PCBD2: variants seen among roughly 807,000 people sequenced by gnomAD.
The protein encoded by PCBD2 is pterin-4 alpha-carbinolamine dehydratase 2.
A neutral mutation model predicts 16.4 loss-of-function variants in PCBD2; 12 were observed. That is an observed-to-expected ratio of 0.73 (90% CI 0.47 to 1.19). PCBD2 has a LOEUF of 1.19. Among genes scored for constraint, PCBD2 ranks in the 50% most tolerant of loss-of-function variants. The probability of loss-of-function intolerance (pLI) is 0.00; values close to 1 mark genes in which losing one functional copy is unlikely to be tolerated. For synonymous variants in PCBD2, 58 were observed against 61.8 expected (o/e 0.94, Z 0.29); for missense variants, 138 against 156.8 (o/e 0.88, Z 0.64).
chr5:134,940,851 C>T (rs528033519), intron 2 of PCBD2, among the ~76,000 whole-genome samples: 1 of 151,906 alleles, frequency 6.6e-6, no homozygotes, highest in South Asian at 2.1e-4. Context: ...GGTTCCTGGC[C>T]GGGCATGGTG....
At chr5:134,946,614 C>T (rs1751298413) in intron 2 of PCBD2, among the ~76,000 whole-genome samples, 1 of 152,174 alleles carries the variant, frequency 6.6e-6, no homozygotes, top group African/African-American at 2.4e-5. Context: ...TGGTGTGCAA[C>T]TGCTTTAGAA....
At chr5:134,951,895 C>T (rs1022585491) in intron 2 of PCBD2, among the ~76,000 whole-genome samples, 1 of 151,878 alleles carries the variant, frequency 6.6e-6, no homozygotes, top group African/African-American at 2.4e-5. Flanking sequence ...TGTTGTTTAT[C>T]TTTTGCTTTT....
intron 2 of PCBD2, among the ~76,000 whole-genome samples, chr5:134,953,059 G>T (rs1196561504): frequency 6.6e-6 from 1 of 150,938 alleles, no homozygotes; most frequent in African/African-American, 2.4e-5. Flanking sequence ...TTGCTTATGT[G>T]CTTTTATTTT....
intron 2 of PCBD2, among the ~76,000 whole-genome samples, chr5:134,933,033 A>G (rs1204079826): frequency 6.6e-6 from 1 of 152,102 alleles, no homozygotes; most frequent in Non-Finnish European, 1.5e-5. Context: ...TATGTTTTAT[A>G]ATTTGGAAAA....
At chr5:134,952,176 A>G (rs891439627) in intron 2 of PCBD2, among the ~76,000 whole-genome samples, 3 of 73,692 alleles carry the variant, frequency 4.1e-5, no homozygotes, top group Admixed American at 1.3e-4. Flanking sequence ...TTTTTGTCTT[A>G]TTCTTGACTT....
At position 134,935,282 on chromosome 5, in the gene PCBD2, C is replaced by T. The variant is rs550462431; in HGVS notation, c.217-23758C>T. ...TGACTCTGCTGCCCGTGCCTGACTG[C>T]GCCACTGCATCTGCCTAAACAGGAG... On this transcript the variant is annotated intron_variant, in intron 2 of 3. Coordinates refer to ENST00000254908, the MANE Select transcript of PCBD2 (RefSeq NM_032151.5). 4.6e-5 allele frequency among the ~76,000 whole-genome samples: 7 copies of T among 152,328 alleles called. No homozygotes were observed. In the South Asian group the frequency reaches 8.3e-4, roughly 18 times the overall value.
At chr5:134,950,932 A>C (rs930835009) in intron 2 of PCBD2, among the ~76,000 whole-genome samples, 2 of 152,222 alleles carry the variant, frequency 1.3e-5, no homozygotes, top group Non-Finnish European at 2.9e-5. Context: ...ACAGGTAGGC[A>C]TATGTTAAGA....
chr5:134,915,428 G>A (rs1349221553), intron 2 of PCBD2, among the ~76,000 whole-genome samples: 1 of 151,204 alleles, frequency 6.6e-6, no homozygotes, highest in Non-Finnish European at 1.5e-5. Context: ...AAGCCTGATG[G>A]GCCTCTAATT....
At chr5:134,924,247 T>A (rs1361342979) in intron 2 of PCBD2, 2 of 395,294 alleles carry the variant, frequency 5.1e-6, no homozygotes, top group Non-Finnish European at 4.5e-6. Flanking sequence ...GGGTGTGTTA[T>A]TATTCTGAAT....
In PCBD2 at chr5:134,910,407, T is replaced by A; in HGVS notation, c.157T>A (p.Ser53Thr). The A allele has an allele frequency of 1.2e-6, 2 of 1,614,082 alleles. No individual in the cohort carries two copies. Among genetic ancestry groups the A allele is most frequent in the South Asian group, 2.2e-5 (2 of 91,076 alleles). ...AILDLKAAGW[S>T]ELSERDAIYK... The stretch of plus-strand genomic sequence containing the variant: ...ACTTGACCTTAAAGCAGCAGGATGG[T>A]CGGAATTAAGTGAGAGAGATGCCAT... Residue 53 changes from serine to threonine, a missense_variant, in exon 2 of 4, where the codon TCG becomes ACG. Physicochemically the swap from Ser to Thr is moderately conservative, Grantham distance 58. Coordinates refer to ENST00000254908, the MANE Select transcript of PCBD2 (RefSeq NM_032151.5).
intron 2 of PCBD2, among the ~76,000 whole-genome samples, chr5:134,952,666 A>G (rs912855159): frequency 1.3e-5 from 2 of 152,126 alleles, no homozygotes; most frequent in African/African-American, 4.8e-5. Flanking sequence ...TTAGCCAGGC[A>G]TAATGGCACT....
intron 2 of PCBD2, among the ~76,000 whole-genome samples, chr5:134,937,157 A>T (rs760795215): frequency 6.6e-6 from 1 of 152,296 alleles, no homozygotes; most frequent in Admixed American, 6.5e-5. Flanking sequence ...ATAGTATTGC[A>T]TATTTGTTTT....
At chr5:134,917,748 G>C (rs558294045) in intron 2 of PCBD2, among the ~76,000 whole-genome samples, 28 of 152,210 alleles carry the variant, frequency 1.8e-4, no homozygotes, top group Non-Finnish European at 2.6e-4. Context: ...TGGGTGCCCA[G>C]GCTGGGTTGG....
chr5:134,953,628 C>G (rs1416804048), intron 2 of PCBD2, among the ~76,000 whole-genome samples: 1 of 152,010 alleles, frequency 6.6e-6, no homozygotes, highest in African/African-American at 2.4e-5. Context: ...AATCCTGTCT[C>G]TACTAAAAAT....
chr5:134,955,044 A>G lies in PCBD2; in HGVS notation c.217-3996A>G, dbSNP rs533790056. On this transcript the variant is annotated intron_variant, in intron 2 of 3. Transcript: ENST00000254908. ...GGTGTGAGCCACTGTGTCTGGCCAG[A>G]TTCTTTTCATCCTTATTGATGAATT... Among the ~76,000 whole-genome samples, 34 of 151,972 alleles carry G rather than the reference A, an allele frequency of 2.2e-4. No homozygotes were observed. In the South Asian group the frequency reaches 7.1e-3, roughly 32 times the overall value.
intron 2 of PCBD2, among the ~76,000 whole-genome samples, chr5:134,935,736 TAA>T (rs377083183): frequency 5.7e-4 from 87 of 152,252 alleles, no homozygotes; most frequent in African/African-American, 1.7e-3. Flanking sequence ...TTAAAAAATA[TAA>T]ACCAGTTAAG....
chr5:134,936,742 C>T (rs566966549), intron 2 of PCBD2, among the ~76,000 whole-genome samples: 18 of 152,088 alleles, frequency 1.2e-4, no homozygotes, highest in Non-Finnish European at 1.6e-4. Flanking sequence ...TTAAGATCCC[C>T]GAATTTAGCC....
Position 134,920,743 on chromosome 5 carries a change from C to T in PCBD2, c.216+10277C>T, listed in dbSNP as rs550743512. Among the ~76,000 whole-genome samples, 3 of 152,090 alleles carry T rather than the reference C, an allele frequency of 2.0e-5. No homozygotes were observed. In the South Asian group the frequency reaches 6.2e-4, roughly 32 times the overall value. On this transcript the variant is annotated intron_variant, in intron 2 of 3. Coordinates refer to ENST00000254908, the MANE Select transcript of PCBD2 (RefSeq NM_032151.5). ...TGATCTTGGCTCACTGCAACCTCCA[C>T]CTCCTAGGTTCAAGCGATTCTCCCA... is the stretch of plus-strand genomic sequence containing the variant.
intron 2 of PCBD2, among the ~76,000 whole-genome samples, chr5:134,914,200 C>T (rs1293555612): frequency 6.6e-6 from 1 of 152,088 alleles, no homozygotes; most frequent in Non-Finnish European, 1.5e-5. Flanking sequence ...TAGGCCGTTA[C>T]ATTCATCCTG....
Sources: gnomAD v4.1 joint callset for allele counts (sites outside exome capture counted in the v4.1 genomes callset) on GRCh38, gnomAD v4.1.1 for gene constraint, MANE v1.5 for transcripts, NCBI Gene and HGNC (gene_info 2026-07-23, HGNC 2026-07-21) for gene names.